Variants in OR1L6 observed in about 807,000 individuals in gnomAD.
OR1L6 encodes the protein olfactory receptor family 1 subfamily L member 6.
Under a neutral mutation model 3.0 loss-of-function variants are expected in OR1L6, and 2 were observed. That is an observed-to-expected ratio of 0.68 (90% CI 0.28 to 2.13). The LOEUF (loss-of-function observed/expected upper bound fraction) is 2.13. Among genes scored for constraint, OR1L6 ranks in the 30% most tolerant of loss-of-function variants. The pLI is 0.14. For missense variants in OR1L6, 304 were observed against 378.4 expected (o/e 0.80, Z 1.63); for synonymous variants, 121 against 148.4 (o/e 0.82, Z 1.34).
At chr9:122,744,290 T>C (rs1828814413) in intron 1 of OR1L6, among the ~76,000 whole-genome samples, 1 of 152,158 alleles carries the variant, frequency 6.6e-6, no homozygotes, top group African/African-American at 2.4e-5. Flanking sequence ...ATTTGGGAAG[T>C]GCATTGTGTG....
chr9:122,742,671 T>C (rs547583772), intron 1 of OR1L6, among the ~76,000 whole-genome samples: 10 of 152,238 alleles, frequency 6.6e-5, no homozygotes, highest in African/African-American at 2.4e-4. Context: ...GTGAACAAGA[T>C]AGGGCAATGC....
At chr9:122,746,616 G>C (rs1828839692) in intron 1 of OR1L6, among the ~76,000 whole-genome samples, 1 of 152,138 alleles carries the variant, frequency 6.6e-6, no homozygotes, top group South Asian at 2.1e-4. Flanking sequence ...TTAAAGGATA[G>C]CTTTTCATAA....
At chr9:122,749,643 GC>G in intron 1 of OR1L6, 191 bp from the exon 2 acceptor site, 1 of 661,054 alleles carries the variant, frequency 1.5e-6, no homozygotes, top group Middle Eastern at 2.6e-4. Context: ...GAGAGGCGGA[GC>G]TTGCAGTGAG....
At chr9:122,742,949 G>A (rs758410233) in intron 1 of OR1L6, among the ~76,000 whole-genome samples, 3 of 152,178 alleles carry the variant, frequency 2.0e-5, no homozygotes, top group Non-Finnish European at 4.4e-5. Context: ...TGAGCTCCTT[G>A]TCTCTAGAAT....
At chr9:122,748,956 C>T (rs903603195) in intron 1 of OR1L6, among the ~76,000 whole-genome samples, 11 of 152,024 alleles carry the variant, frequency 7.2e-5, no homozygotes, top group Non-Finnish European at 1.2e-4. Flanking sequence ...TGTGTGTACA[C>T]GTATACGTAC....
chr9:122,745,401 A>G (rs865854718), intron 1 of OR1L6, among the ~76,000 whole-genome samples: 2 of 142,540 alleles, frequency 1.4e-5, no homozygotes, highest in Non-Finnish European at 3.0e-5. Flanking sequence ...ACTATAAATA[A>G]ACACACCTTT....
rs1213589519 is a variant in OR1L6, at chr9:122,750,315, T to C, written c.468T>C (p.His156=). The change falls in exon 2 of 2, where the codon CAT becomes CAC. Residue 156 remains histidine (H), a synonymous_variant. Transcript: ENST00000304720. ...GTTCTTGCAGCATCTCCCACCTACA[T>C]TCCCTGTTCCGCGTGCTACTTATGT... ...LLGSCSISHL[H]SLFRVLLMSR... 2 of 1,613,864 alleles carry C rather than the reference T, an allele frequency of 1.2e-6. No homozygotes were observed. Among genetic ancestry groups the C allele is most frequent in the South Asian group, 1.1e-5 (1 of 91,058 alleles).
Position 122,750,600 on chromosome 9 carries a change from T to G in OR1L6, c.753T>G (p.Leu251=), listed in dbSNP as rs1828885398. 2 of 1,614,036 alleles carry G rather than the reference T, an allele frequency of 1.2e-6. No homozygotes were observed. Among genetic ancestry groups the G allele is most frequent in the African/African-American group, 1.3e-5 (1 of 74,902 alleles). The change falls in exon 2 of 2, where the codon CTT becomes CTG. Residue 251 remains leucine, a synonymous_variant. Coordinates refer to ENST00000304720, the MANE Select transcript of OR1L6 (RefSeq NM_001004453.3). ...TCGSHLTAVA[L]FYGSIIYVYF... is the part of the protein sequence containing the mutation. ...GCTCCCACCTCACTGCAGTAGCCCT[T>G]TTCTATGGGAGTATTATTTATGTCT...
intron 1 of OR1L6, 31 bp from the exon 2 acceptor site, chr9:122,749,804 C>G: frequency 6.2e-7 from 1 of 1,602,384 alleles, no homozygotes. Flanking sequence ...CCCTTTACAT[C>G]TCTCCCACTG....
chr9:122,743,067 G>C (rs1828805270), intron 1 of OR1L6, among the ~76,000 whole-genome samples: 1 of 152,194 alleles, frequency 6.6e-6, no homozygotes, highest in Non-Finnish European at 1.5e-5. Flanking sequence ...AGAATCCACA[G>C]CCCCTTCCTT....
chr9:122,742,425 A>T (rs1271437871), intron 1 of OR1L6, 52 bp downstream of exon 1: 1 of 152,200 alleles, frequency 6.6e-6, no homozygotes, highest in African/African-American at 2.4e-5. Flanking sequence ...CAATATCTTC[A>T]GGTGATCTTC....
chr9:122,744,743 A>C (rs924192393), intron 1 of OR1L6, among the ~76,000 whole-genome samples: 4 of 152,194 alleles, frequency 2.6e-5, no homozygotes, highest in African/African-American at 9.7e-5. Context: ...GAGTTTGCCA[A>C]ACACTCACTC....
intron 1 of OR1L6, among the ~76,000 whole-genome samples, chr9:122,744,331 G>A (rs1828814772): frequency 6.6e-6 from 1 of 152,074 alleles, no homozygotes; most frequent in South Asian, 2.1e-4. Flanking sequence ...GTTTCATTTG[G>A]GCTGTCAGTG....
chr9:122,749,876 C>T lies in OR1L6; in HGVS notation c.29C>T (p.Thr10Ile). ...GAGATAAAGAACTACAGCAGCAGCA[C>T]CTCAGGCTTCATCCTCCTGGGCCTC... The part of the protein sequence containing the change: MEIKNYSSS[T>I]SGFILLGLSS... Residue 10 changes from threonine to isoleucine, a missense_variant, in exon 2 of 2, where the codon ACC (threonine) becomes ATC (isoleucine). Transcript: ENST00000304720. 1.2e-6 allele frequency: 2 copies of T among 1,614,206 alleles called. No individual in the cohort carries two copies. Among genetic ancestry groups the T allele is most frequent in the Admixed American group, 1.7e-5 (1 of 60,026 alleles).
intron 1 of OR1L6, among the ~76,000 whole-genome samples, chr9:122,743,476 G>T: frequency 6.6e-6 from 1 of 152,238 alleles, no homozygotes; most frequent in South Asian, 2.1e-4. Context: ...GAACTGAAAA[G>T]AGAAGAAGCC....
chr9:122,750,739 A>G lies in OR1L6; in HGVS notation c.892A>G (p.Met298Val). 1 of 1,612,026 alleles carries G rather than the reference A, an allele frequency of 6.2e-7. No individual in the cohort carries two copies. Among genetic ancestry groups the G allele is most frequent in the South Asian group, 1.1e-5 (1 of 90,764 alleles). ...CATCTACAGCCTGAGGAACAAAGATATGAAGAGGGGTTTGAAGAAATTACA... is the reference window on the plus strand; with the variant it reads ...CATCTACAGCCTGAGGAACAAAGATGTGAAGAGGGGTTTGAAGAAATTACA... ...PFIYSLRNKD[M>V]KRGLKKLQDR... The change falls in exon 2 of 2, where the codon ATG (methionine) becomes GTG (valine). Residue 298 changes from methionine (M) to valine (V), a missense_variant. By Grantham distance (21) the Met-to-Val change is conservative. This residue lies in a region of OR1L6 where 91 missense variants were observed against 87.8 expected (regional missense o/e 1.04). Coordinates refer to ENST00000304720, the MANE Select transcript of OR1L6 (RefSeq NM_001004453.3).
At position 122,750,413 on chromosome 9, in the gene OR1L6, C is replaced by T. The variant is rs1174005099; in HGVS notation, c.566C>T (p.Ser189Phe). Reference protein sequence around the residue: ...FCDTQPVLKLSCSDTSSSQMV... With the variant: ...FCDTQPVLKLFCSDTSSSQMV... ...GACACCCAGCCTGTGCTAAAGCTCT[C>T]CTGCTCTGACACATCCTCCAGCCAG... The change falls in exon 2 of 2, where the codon TCC becomes TTC. Residue 189 changes from serine to phenylalanine, a missense_variant. Ser to Phe is a radical substitution (Grantham distance 155). Transcript: ENST00000304720. 1 of 1,607,066 alleles carries T rather than the reference C, an allele frequency of 6.2e-7. No individual in the cohort carries two copies. The highest frequency in any genetic ancestry group is 8.5e-7 in the Non-Finnish European group (1 of 1,175,776).
rs1206694098 is a variant in OR1L6, at chr9:122,749,872, A to G, written c.25A>G (p.Ser9Gly). The part of the protein sequence containing the change: MEIKNYSS[S>G]TSGFILLGLS... Reference sequence around the variant, plus strand: ...CATGGAGATAAAGAACTACAGCAGCAGCACCTCAGGCTTCATCCTCCTGGG... The same window carrying G: ...CATGGAGATAAAGAACTACAGCAGCGGCACCTCAGGCTTCATCCTCCTGGG... Residue 9 changes from serine (S) to glycine (G), a missense_variant, in exon 2 of 2, where the codon AGC (serine) becomes GGC (glycine). Around this residue, in one of 3 missense-constraint regions of OR1L6, gnomAD observed 192 missense variants for 242.7 expected, o/e 0.79. Coordinates refer to ENST00000304720, the MANE Select transcript of OR1L6 (RefSeq NM_001004453.3). 5 of 1,614,090 alleles carry G rather than the reference A, an allele frequency of 3.1e-6. No individual in the cohort carries two copies. The highest frequency in any genetic ancestry group is 1.3e-5 in the African/African-American group (1 of 74,920).
rs367965233 is a variant in OR1L6, at chr9:122,750,020, C to A, written c.173C>A (p.Thr58Asn). The change falls in exon 2 of 2, where the codon ACC becomes AAC. Residue 58 changes from threonine (T) to asparagine (N), a missense_variant. Around this residue, in one of 3 missense-constraint regions of OR1L6, gnomAD observed 192 missense variants for 242.7 expected, o/e 0.79. Coordinates refer to ENST00000304720, the MANE Select transcript of OR1L6 (RefSeq NM_001004453.3). ...ATCTACTCTGACCCCAGGCTCCACA[C>A]CCCTATGTACTTTTTTCTCAGCAAC... ...PAIYSDPRLH[T>N]PMYFFLSNLS... The A allele has an allele frequency of 3.1e-6, 5 of 1,614,040 alleles. No individual in the cohort carries two copies. The African/African-American group carries it at 5.3e-5, about 17-fold the overall frequency.
Sources: allele counts gnomAD v4.1 joint callset (sites outside exome capture counted in the v4.1 genomes callset), GRCh38; gene constraint gnomAD v4.1.1; regional missense constraint gnomAD v4.1.1; transcripts MANE v1.5; gene names NCBI Gene and HGNC (gene_info 2026-07-23, HGNC 2026-07-21).